Variants in PKDCC observed in about 807,000 individuals in gnomAD.
PKDCC encodes extracellular tyrosine-protein kinase PKDCC.
Under a neutral mutation model 44.7 loss-of-function variants are expected in PKDCC, and 35 were observed. The ratio of observed to expected loss-of-function variants is 0.78; its 90% CI spans 0.60 to 1.04. The LOEUF (loss-of-function observed/expected upper bound fraction) is 1.04. PKDCC is among the 50% of genes least tolerant of loss of function. The probability of loss-of-function intolerance (pLI) is 0.00; values close to 1 mark genes in which losing one functional copy is unlikely to be tolerated. For missense variants in PKDCC, 738 were observed against 672.7 expected (o/e 1.10, Z -1.07); for synonymous variants, 353 against 303.3 (o/e 1.16, Z -1.70).
intron 2 of PKDCC, 98 bp downstream of exon 2, chr2:42,053,459 C>CAGGGAG: frequency 6.8e-7 from 1 of 1,464,102 alleles, no homozygotes; most frequent in Non-Finnish European, 9.2e-7. Context: ...CTCCTCCACC[C>CAGGGAG]AGGGAGAGGG....
chr2:42,056,339 T>A (rs1043306101), intron 5 of PKDCC, among the ~76,000 whole-genome samples: 1 of 152,142 alleles, frequency 6.6e-6, no homozygotes, highest in African/African-American at 2.4e-5. Flanking sequence ...TCTGAGGCTC[T>A]CTCTGTAGAA....
intron 5 of PKDCC, among the ~76,000 whole-genome samples, chr2:42,056,925 A>G (rs1668066629): frequency 6.6e-6 from 1 of 152,136 alleles, no homozygotes. Flanking sequence ...GTGTCCCTGT[A>G]TATGTCTGTA....
chr2:42,049,545 G>A (rs897365013), intron 1 of PKDCC, among the ~76,000 whole-genome samples: 4 of 152,248 alleles, frequency 2.6e-5, no homozygotes, highest in South Asian at 2.1e-4. Context: ...ACAGACTGGC[G>A]GCCTGAGGAT....
Position 42,055,137 on chromosome 2 carries a change from G to C in PKDCC, c.1114+117G>C. 1 of 1,339,110 alleles carries C rather than the reference G, an allele frequency of 7.5e-7. No individual in the cohort carries two copies. Among genetic ancestry groups the C allele is most frequent in the Non-Finnish European group, 1.1e-6 (1 of 941,968 alleles). 83.0% of individuals were successfully genotyped at this position (1,339,110 alleles called of 1,614,324 possible). A position where few individuals can be genotyped will look rare whatever the true frequency, so the allele number is the denominator to read the frequency against. On this transcript the variant is annotated intron_variant, in intron 4 of 6. Transcript: ENST00000294964. This position sits in a 1 kb window ranked among gnomAD's most constrained non-coding sequence, Gnocchi z 4.5. ...GGTTCTAGAAACCATCACTTCCTAA[G>C]GTGGCATTCTGCCGCAACCTCCCCG...
rs774377592 is a variant in PKDCC, at chr2:42,053,226, C to T, written c.640-13C>T. 1.3e-5 allele frequency: 20 copies of T among 1,588,434 alleles called. No homozygotes were observed. The highest frequency in any genetic ancestry group is 3.5e-5 in the Admixed American group (2 of 56,804). On this transcript the variant is annotated splice_polypyrimidine_tract_variant and intron_variant, in intron 1 of 6. Transcript: ENST00000294964. ...ACCCTGTGACCTAATGACCTGCCCT[C>T]GGCTTTCCCCAGCTCTATGGCTACT... is the stretch of plus-strand genomic sequence containing the variant.
In PKDCC at chr2:42,057,270, C is replaced by T. The variant is rs2103932880; in HGVS notation, c.1272C>T (p.Cys424=). 6.2e-7 allele frequency: 1 copy of T among 1,614,246 alleles called. No homozygotes were observed. Among genetic ancestry groups the T allele is most frequent in the East Asian group, 2.2e-5 (1 of 44,894 alleles). The part of the protein sequence containing the change: ...DSTIPQEDYR[C]WPSYHHGSCL... ...CCATCCCCCAGGAAGACTACCGCTG[C>T]TGGCCATCCTACCACCACGGGAGCT... Residue 424 remains cysteine (C), a synonymous_variant, in exon 6 of 7, where the codon TGC becomes TGT. Transcript: ENST00000294964.
Position 42,055,254 on chromosome 2 carries a change from G to A in PKDCC, c.1115-32G>A. The A allele has an allele frequency of 6.3e-7, 1 of 1,584,788 alleles. No individual in the cohort carries two copies. Among genetic ancestry groups the A allele is most frequent in the Non-Finnish European group, 8.6e-7 (1 of 1,161,378 alleles). On this transcript the variant is annotated intron_variant, in intron 4 of 6. Transcript: ENST00000294964. This position sits in a 1 kb window ranked among gnomAD's most constrained non-coding sequence, Gnocchi z 4.5. ...CTTCAGGGAGGAGTGGGAGCCCCAG[G>A]CATCCTGTCTTAGCCACACTGCACT...
In PKDCC at chr2:42,048,694, C is replaced by G. The variant is rs1325236178; in HGVS notation, c.495C>G (p.Leu165=). 1 of 1,551,394 alleles carries G rather than the reference C, an allele frequency of 6.4e-7. No individual in the cohort carries two copies. Among genetic ancestry groups the G allele is most frequent in the African/African-American group, 1.4e-5 (1 of 73,210 alleles). ...TGCCCGGCGGTGCCGCGGTGGCGCTCAAGGCGGTGGACTTTAGCGGCCACG... is the reference window on the plus strand; with the variant it reads ...TGCCCGGCGGTGCCGCGGTGGCGCTGAAGGCGGTGGACTTTAGCGGCCACG... ...VRLPGGAAVA[L]KAVDFSGHDL... Residue 165 remains leucine (L), a synonymous_variant, in exon 1 of 7, where the codon CTC becomes CTG. Transcript: ENST00000294964. This position sits in a 1 kb window ranked among gnomAD's most constrained non-coding sequence, Gnocchi z 6.2.
rs1668038447 is a variant in PKDCC, at chr2:42,055,437, G to A, written c.1222+44G>A. 2 of 1,576,850 alleles carry A rather than the reference G, an allele frequency of 1.3e-6. No homozygotes were observed. The highest frequency in any genetic ancestry group is 1.7e-5 in the Admixed American group (1 of 57,152). ...ATCCACAGGGAAGCAAGAAACAGGT[G>A]GGAGGGTGAATGACCCCGCCCAATT... is the stretch of plus-strand genomic sequence containing the variant. On this transcript the variant is annotated intron_variant, in intron 5 of 6. Coordinates refer to ENST00000294964, the MANE Select transcript of PKDCC (RefSeq NM_138370.3). The surrounding 1 kb of genome is among the most constrained non-coding windows in gnomAD (Gnocchi z 4.5).
rs2103921755 is a variant in PKDCC at position 42,048,285 on chromosome 2, G to C, written c.86G>C (p.Gly29Ala). Residue 29 changes from glycine to alanine, a missense_variant, in exon 1 of 7, where the codon GGC (glycine) becomes GCC (alanine). Physicochemically the swap from Gly to Ala is moderately conservative, Grantham distance 60 (BLOSUM62 0). Coordinates refer to ENST00000294964, the MANE Select transcript of PKDCC (RefSeq NM_138370.3). This position sits in a 1 kb window ranked among gnomAD's most constrained non-coding sequence, Gnocchi z 6.2. ...GTCCTCAACGTGCTCTTCGCTCCGG[G>C]CTCGGAGCCTCCGAGGCCAGGCCAG... is the stretch of plus-strand genomic sequence containing the variant. ...GSVLNVLFAP[G>A]SEPPRPGQSP... 1.6e-6 allele frequency: 2 copies of C among 1,273,206 alleles called. No individual in the cohort carries two copies. The highest frequency in any genetic ancestry group is 2.0e-5 in the South Asian group (1 of 50,612). 78.9% of individuals were successfully genotyped at this position (1,273,206 alleles called of 1,614,324 possible). A position where few individuals can be genotyped will look rare whatever the true frequency, so the allele number is the denominator to read the frequency against.
intron 1 of PKDCC, among the ~76,000 whole-genome samples, chr2:42,050,763 C>T (rs918148174): frequency 6.6e-6 from 1 of 152,012 alleles, no homozygotes; most frequent in Non-Finnish European, 1.5e-5. Context: ...GTCCTTTCTA[C>T]CCAGGAAAAG....
Position 42,054,451 on chromosome 2 carries a change from A to G in PKDCC, c.1034+144A>G. The G allele has an allele frequency of 9.9e-7, 1 of 1,012,782 alleles. No individual in the cohort carries two copies. The highest frequency in any genetic ancestry group is 2.8e-5 in the Admixed American group (1 of 35,208). 62.7% of individuals were successfully genotyped at this position (1,012,782 alleles called of 1,614,324 possible). ...AGGGAAGGCTTCTACCCTGTCCAGA[A>G]GGGAACATTCAGGCCTCTGATGGAG... On this transcript the variant is annotated intron_variant, in intron 3 of 6. Coordinates refer to ENST00000294964, the MANE Select transcript of PKDCC (RefSeq NM_138370.3). The surrounding 1 kb of genome is among the most constrained non-coding windows in gnomAD (Gnocchi z 6.1).
chr2:42,053,138 G>A, intron 1 of PKDCC, 101 bp from the exon 2 acceptor site: 1 of 1,330,460 alleles, frequency 7.5e-7, no homozygotes, highest in Non-Finnish European at 1.0e-6. Flanking sequence ...GCAAAGGCCT[G>A]GGGATGGTGG....
chr2:42,055,109 AG>A lies in PKDCC; in HGVS notation c.1114+93del. ...GGGGAGAAAAATAACCCAGGGCAGC[AG>A]GGGTTCTAGAAACCATCACTTCCTA... On this transcript the variant is annotated intron_variant, in intron 4 of 6. Coordinates refer to ENST00000294964, the MANE Select transcript of PKDCC (RefSeq NM_138370.3). The surrounding 1 kb of genome is among the most constrained non-coding windows in gnomAD (Gnocchi z 4.5). The A allele has an allele frequency of 6.9e-7, 1 of 1,439,460 alleles. No individual in the cohort carries two copies. The highest frequency in any genetic ancestry group is 2.3e-5 in the East Asian group (1 of 43,784). The allele number at this position is 1,439,460 out of a possible 1,614,324, so 89.2% of individuals were successfully genotyped here. A position where few individuals can be genotyped will look rare whatever the true frequency, so the allele number is the denominator to read the frequency against.
In PKDCC at chr2:42,048,724, G is replaced by C. The variant is rs777223883; in HGVS notation, c.525G>C (p.Leu175=). Residue 175 remains leucine, a synonymous_variant, in exon 1 of 7, where the codon CTG becomes CTC. Transcript: ENST00000294964. This position sits in a 1 kb window ranked among gnomAD's most constrained non-coding sequence, Gnocchi z 6.2. The part of the protein sequence containing the change: ...LKAVDFSGHD[L]GSCVREFGVR... Reference sequence around the variant, plus strand: ...CGGTGGACTTTAGCGGCCACGATCTGGGCAGCTGCGTGCGCGAGTTCGGGG... The same window carrying C: ...CGGTGGACTTTAGCGGCCACGATCTCGGCAGCTGCGTGCGCGAGTTCGGGG... The C allele has an allele frequency of 6.4e-7, 1 of 1,564,326 alleles. No individual in the cohort carries two copies. The highest frequency in any genetic ancestry group is 2.4e-5 in the East Asian group (1 of 42,132).
At position 42,051,540 on chromosome 2, in the gene PKDCC, G is replaced by A. The variant is rs1469789918; in HGVS notation, c.640-1699G>A. Among the ~76,000 whole-genome samples the A allele has an allele frequency of 9.2e-5, 14 of 152,130 alleles. No homozygotes were observed. The highest frequency in any genetic ancestry group is 1.9e-4 in the East Asian group (1 of 5,178). On this transcript the variant is annotated intron_variant, in intron 1 of 6. Coordinates refer to ENST00000294964, the MANE Select transcript of PKDCC (RefSeq NM_138370.3). This position sits in a 1 kb window ranked among gnomAD's most constrained non-coding sequence, Gnocchi z 4.2. ...CCTGAGGGGTGTTGATTAATACCTC[G>A]TTAACAGCGCATTTAACGACCTCCG...
At chr2:42,053,672 G>A in intron 2 of PKDCC, 1 of 521,344 alleles carries the variant, frequency 1.9e-6, no homozygotes, top group Non-Finnish European at 3.4e-6. Flanking sequence ...GAGGGCCAGT[G>A]TCCTAGAACT....
intron 1 of PKDCC, among the ~76,000 whole-genome samples, chr2:42,049,576 G>A (rs1315542204): frequency 6.6e-6 from 1 of 152,196 alleles, no homozygotes; most frequent in South Asian, 2.1e-4. Flanking sequence ...CACTGTCTGA[G>A]TGTATATAGA....
chr2:42,049,631 C>G (rs968521674), intron 1 of PKDCC, among the ~76,000 whole-genome samples: 7 of 152,156 alleles, frequency 4.6e-5, no homozygotes, highest in Non-Finnish European at 8.8e-5. Flanking sequence ...GCTCAGGTTC[C>G]TACTCAACGG....
Sources: gnomAD v4.1 joint callset for allele counts (sites outside exome capture counted in the v4.1 genomes callset) on GRCh38, gnomAD v4.1.1 for gene constraint, Gnocchi (gnomAD v3.1) non-coding constraint, MANE v1.5 for transcripts, NCBI Gene and HGNC (gene_info 2026-07-23, HGNC 2026-07-21) for gene names.